The following PDE4B variants were observed in gnomAD, a reference collection of about 807,000 sequenced individuals.
The protein encoded by PDE4B is phosphodiesterase 4B.
Under a neutral mutation model 82.2 loss-of-function variants are expected in PDE4B, and 20 were observed. The ratio of observed to expected loss-of-function variants is 0.24; its 90% CI spans 0.17 to 0.35. PDE4B has a LOEUF of 0.35. Among genes scored for constraint, PDE4B ranks in the 10% least tolerant of loss-of-function variants. PDE4B has a pLI of 1.00. For synonymous variants in PDE4B, 320 were observed against 318.9 expected, an observed-to-expected ratio of 1.00 and a Z score of -0.04; for missense variants, 655 against 907.2, an observed-to-expected ratio of 0.72 and a Z score of 3.57.
chr1:65,979,875 G>C (rs890726095), intron 3 of PDE4B, among the ~76,000 whole-genome samples: 7 of 152,168 alleles, frequency 4.6e-5, no homozygotes, highest in Non-Finnish European at 1.0e-4. Context: ...TCAGGCAATA[G>C]CAATGGCAGA....
At position 65,854,398 on chromosome 1, in the gene PDE4B, ACTTT is replaced by A. The variant is rs1446379171; in HGVS notation, c.-70-58842_-70-58839del. 2.7e-5 allele frequency among the ~76,000 whole-genome samples: 4 copies of A among 150,920 alleles called. No individual in the cohort carries two copies. The East Asian group carries it at 7.8e-4, about 29-fold the overall frequency. On this transcript the variant is annotated intron_variant, in intron 1 of 16. Coordinates refer to ENST00000341517, the MANE Select transcript of PDE4B (RefSeq NM_002600.4). ...TGATTCTTTTCTTTCTGTTTGAAGA[ACTTT>A]CTTTAACGTATCCTATAGTGCATAC...
chr1:65,879,712 T>C (rs1646688923), intron 1 of PDE4B, among the ~76,000 whole-genome samples: 1 of 152,184 alleles, frequency 6.6e-6, no homozygotes, highest in African/African-American at 2.4e-5. Context: ...CTTGCCTGTA[T>C]AGCTGTAGTA....
chr1:66,355,495 G>A lies in PDE4B; in HGVS notation c.748-32G>A, dbSNP rs367582250. The A allele has an allele frequency of 6.6e-6, 9 of 1,366,468 alleles. No homozygotes were observed. In the African/African-American group the frequency reaches 1.3e-4, roughly 20 times the overall value. 84.6% of individuals were successfully genotyped at this position (1,366,468 alleles called of 1,614,324 possible). The stretch of plus-strand genomic sequence containing the variant: ...AAAATGAACATTTGCTCTTTTTAAA[G>A]TGGTTAATGCATTTTTGTTCTTTAT... On this transcript the variant is annotated intron_variant, in intron 8 of 16. Transcript: ENST00000341517.
chr1:66,187,344 G>A (rs150944901), intron 3 of PDE4B, among the ~76,000 whole-genome samples: 74,318 of 151,458 alleles, frequency 0.49, 19,237 homozygotes, highest in South Asian at 0.63. Flanking sequence ...GATGCTGGCC[G>A]CATAAAATGC....
chr1:66,061,348 A>G (rs1206363122), intron 3 of PDE4B, among the ~76,000 whole-genome samples: 3 of 151,628 alleles, frequency 2.0e-5, no homozygotes, highest in Non-Finnish European at 2.9e-5. Flanking sequence ...CCAAATGCCC[A>G]TGCTTTCTAA....
intron 1 of PDE4B, among the ~76,000 whole-genome samples, chr1:65,801,376 A>C (rs1033406464): frequency 4.6e-5 from 7 of 152,222 alleles, no homozygotes; most frequent in African/African-American, 1.7e-4. Flanking sequence ...ACTTCCAGCA[A>C]AATACTTTTC....
intron 3 of PDE4B, among the ~76,000 whole-genome samples, chr1:65,940,949 A>G (rs1056500195): frequency 8.5e-5 from 13 of 152,122 alleles, no homozygotes; most frequent in Non-Finnish European, 2.9e-5. Context: ...TTTCATAGGC[A>G]TAATCTCTTG....
chr1:66,173,463 G>GA (rs1646876057), intron 3 of PDE4B, among the ~76,000 whole-genome samples: 1 of 152,156 alleles, frequency 6.6e-6, no homozygotes, highest in Non-Finnish European at 1.5e-5. Flanking sequence ...ATTTTAAGAG[G>GA]AAAAAACTCA....
At chr1:66,026,133 T>C (rs1297815164) in intron 3 of PDE4B, among the ~76,000 whole-genome samples, 1 of 152,232 alleles carries the variant, frequency 6.6e-6, no homozygotes. Context: ...AAGTTCAGTT[T>C]TTCACTTTTA....
intron 1 of PDE4B, among the ~76,000 whole-genome samples, chr1:65,826,940 A>G (rs1174348916): frequency 3.3e-5 from 5 of 152,204 alleles, no homozygotes; most frequent in Admixed American, 1.3e-4. Flanking sequence ...GAAAGCTCCA[A>G]CAAGGAGTTT....
intron 3 of PDE4B, among the ~76,000 whole-genome samples, chr1:66,157,071 C>A (rs1206926911): frequency 2.0e-5 from 3 of 152,148 alleles, no homozygotes; most frequent in African/African-American, 4.8e-5. Context: ...CTCAAACTTA[C>A]AATCCTAAAA....
At chr1:66,101,052 A>G (rs1001732244) in intron 3 of PDE4B, among the ~76,000 whole-genome samples, 2 of 151,994 alleles carry the variant, frequency 1.3e-5, no homozygotes, top group East Asian at 1.9e-4. Flanking sequence ...TCATTGTTCA[A>G]TTTCCACCTA....
At chr1:65,981,875 T>C (rs1045131970) in intron 3 of PDE4B, among the ~76,000 whole-genome samples, 1 of 152,192 alleles carries the variant, frequency 6.6e-6, no homozygotes, top group African/African-American at 2.4e-5. Flanking sequence ...GATTCTTTTC[T>C]CATAGCCCTT....
chr1:66,216,588 G>A (rs923991557), intron 3 of PDE4B, among the ~76,000 whole-genome samples: 1 of 152,086 alleles, frequency 6.6e-6, no homozygotes, highest in Non-Finnish European at 1.5e-5. Context: ...TTTGTCAAAA[G>A]CACATCATAT....
chr1:66,132,891 A>ACTT (rs970233903), intron 3 of PDE4B, among the ~76,000 whole-genome samples: 15 of 152,204 alleles, frequency 9.9e-5, no homozygotes, highest in African/African-American at 3.6e-4. Flanking sequence ...AGGTCATCCA[A>ACTT]CTTGTTTAAC....
chr1:66,190,054 T>A (rs188317173), intron 3 of PDE4B, among the ~76,000 whole-genome samples: 2 of 152,324 alleles, frequency 1.3e-5, no homozygotes, highest in East Asian at 3.9e-4. Flanking sequence ...CTTCTAACAG[T>A]CAGGACTCTC....
At chr1:66,296,985 A>C (rs1257462055) in intron 7 of PDE4B, among the ~76,000 whole-genome samples, 1 of 152,172 alleles carries the variant, frequency 6.6e-6, no homozygotes, top group Non-Finnish European at 1.5e-5. Flanking sequence ...CTAGAAATTA[A>C]GTTTAATCAT....
Position 66,225,908 on chromosome 1 carries a change from C to T in PDE4B, c.282-21552C>T, listed in dbSNP as rs373392314. ...TGTGTCATGTTTGTCTTAAAGAAAG[C>T]CTAGCTCATTGGATTATTTCTTCTG... On this transcript the variant is annotated intron_variant, in intron 3 of 16. Coordinates refer to ENST00000341517, the MANE Select transcript of PDE4B (RefSeq NM_002600.4). 2.6e-5 allele frequency among the ~76,000 whole-genome samples: 4 copies of T among 152,272 alleles called. No homozygotes were observed. The South Asian group carries it at 8.3e-4, about 32-fold the overall frequency.
At chr1:66,100,635 T>C (rs1645203158) in intron 3 of PDE4B, among the ~76,000 whole-genome samples, 1 of 152,144 alleles carries the variant, frequency 6.6e-6, no homozygotes, top group African/African-American at 2.4e-5. Flanking sequence ...AAAAATACTT[T>C]CCAGCTTCAC....
Sources: gnomAD v4.1 joint callset for allele counts (sites outside exome capture counted in the v4.1 genomes callset) on GRCh38, gnomAD v4.1.1 for gene constraint, MANE v1.5 for transcripts, NCBI Gene and HGNC (gene_info 2026-07-23, HGNC 2026-07-21) for gene names.